Variants in MBD5 observed in about 807,000 individuals in gnomAD.
The protein encoded by MBD5 is methyl-CpG binding domain protein 5.
MBD5 carries 13 observed loss-of-function variants against 117.3 expected under a neutral mutation model. The observed-to-expected ratio is 0.11, with a 90% CI of 0.07 to 0.18. The LOEUF (loss-of-function observed/expected upper bound fraction) is 0.18, where lower values mean the gene tolerates loss of function less well. Ranked by LOEUF, MBD5 falls within the 10% of genes least tolerant of loss-of-function variation. MBD5 has a pLI of 1.00. For missense variants in MBD5, 1,879 were observed against 2,093.8 expected (o/e 0.90, Z 2.00); for synonymous variants, 727 against 766.4 (o/e 0.95, Z 0.85).
chr2:148,458,982 T>A, intron 5 of MBD5, 111 bp downstream of exon 5: 1 of 878,612 alleles, frequency 1.1e-6, no homozygotes, highest in Non-Finnish European at 1.9e-6. Context: ...AAAGTGACCT[T>A]TGTGCTAGAA....
chr2:148,376,387 C>T (rs1424282627), intron 4 of MBD5, among the ~76,000 whole-genome samples: 1 of 150,528 alleles, frequency 6.6e-6, no homozygotes, highest in Non-Finnish European at 1.5e-5. Context: ...CCTGCCTCAG[C>T]CTCCCGAGTA....
At chr2:148,196,577 A>G (rs1340574582) in intron 2 of MBD5, among the ~76,000 whole-genome samples, 5 of 152,180 alleles carry the variant, frequency 3.3e-5, no homozygotes, top group Non-Finnish European at 7.4e-5. Context: ...TATTTCTTCT[A>G]TGTAAAATTA....
intron 2 of MBD5, among the ~76,000 whole-genome samples, chr2:148,194,612 G>A (rs1388435638): frequency 5.4e-4 from 56 of 103,886 alleles, no homozygotes; most frequent in African/African-American, 1.7e-3. Context: ...GACTGTGGTG[G>A]GGTCGGGGGA....
At chr2:148,494,977 A>T (rs980891891) in intron 11 of MBD5, among the ~76,000 whole-genome samples, 5 of 152,142 alleles carry the variant, frequency 3.3e-5, no homozygotes, top group Non-Finnish European at 2.9e-5. Flanking sequence ...AAAAAAAATA[A>T]AATAAATAAA....
intron 4 of MBD5, among the ~76,000 whole-genome samples, chr2:148,395,788 G>GTCC (rs2105030753): frequency 6.6e-6 from 1 of 152,126 alleles, no homozygotes; most frequent in East Asian, 1.9e-4. Context: ...ATGTTAGTCA[G>GTCC]TCAGCTATAC....
At chr2:148,412,303 T>TGTGTGTGTGTGG (rs371452995) in intron 4 of MBD5, among the ~76,000 whole-genome samples, 2 of 138,232 alleles carry the variant, frequency 1.4e-5, no homozygotes, top group African/African-American at 5.4e-5. Flanking sequence ...TGTGTGTGTG[T>TGTGTGTGTGTGG]AGAGAGAGAG....
chr2:148,351,746 C>G (rs529869402), intron 4 of MBD5, among the ~76,000 whole-genome samples: 1 of 152,176 alleles, frequency 6.6e-6, no homozygotes, highest in South Asian at 2.1e-4. Context: ...CCCACACTTG[C>G]TGCCAATATG....
At chr2:148,444,090 A>G (rs187359028) in intron 4 of MBD5, among the ~76,000 whole-genome samples, 2 of 149,136 alleles carry the variant, frequency 1.3e-5, no homozygotes, top group African/African-American at 5.1e-5. Flanking sequence ...TTGTGTATAC[A>G]TAAAGTGTTC....
intron 4 of MBD5, among the ~76,000 whole-genome samples, chr2:148,435,815 G>A (rs944488320): frequency 1.3e-5 from 2 of 152,112 alleles, no homozygotes; most frequent in Admixed American, 6.6e-5. Context: ...AGTTTTCATA[G>A]ACAATATCCT....
intron 3 of MBD5, among the ~76,000 whole-genome samples, chr2:148,247,007 T>C (rs79594891): frequency 5.3e-5 from 8 of 152,284 alleles, no homozygotes; most frequent in South Asian, 2.1e-4. Flanking sequence ...ATTGATGTTA[T>C]ATAAATATTA....
chr2:148,406,028 T>TAAA (rs1705067372), intron 4 of MBD5, among the ~76,000 whole-genome samples: 2 of 151,930 alleles, frequency 1.3e-5, no homozygotes, highest in African/African-American at 2.4e-5. Flanking sequence ...AAATAAATAA[T>TAAA]TAATTAATTA....
At chr2:148,223,413 T>C (rs1699741298) in intron 2 of MBD5, among the ~76,000 whole-genome samples, 5 of 152,136 alleles carry the variant, frequency 3.3e-5, no homozygotes, top group Admixed American at 3.3e-4. Context: ...CCTGGGAGAC[T>C]TTATTACAGC....
At chr2:148,250,905 C>T (rs80356091) in intron 3 of MBD5, among the ~76,000 whole-genome samples, 19,286 of 152,238 alleles carry the variant, frequency 0.13, 1,480 homozygotes, top group Non-Finnish European at 0.18. Context: ...TTTGCCACTT[C>T]ATCACTTGCA....
At chr2:148,429,510 G>A (rs1354288235) in intron 4 of MBD5, among the ~76,000 whole-genome samples, 1 of 152,066 alleles carries the variant, frequency 6.6e-6, no homozygotes, top group Non-Finnish European at 1.5e-5. Flanking sequence ...ATACCTAAAG[G>A]ATTATAAATC....
intron 2 of MBD5, among the ~76,000 whole-genome samples, chr2:148,183,140 T>C (rs372438811): frequency 6.6e-6 from 1 of 152,276 alleles, no homozygotes; most frequent in East Asian, 1.9e-4. Context: ...TAAAGCATCA[T>C]GTTCAGGAAA....
At chr2:148,284,685 T>C (rs984869441) in intron 3 of MBD5, among the ~76,000 whole-genome samples, 3 of 152,192 alleles carry the variant, frequency 2.0e-5, no homozygotes, top group Non-Finnish European at 4.4e-5. Flanking sequence ...AACCAAAAAA[T>C]GGCTACAAAC....
intron 2 of MBD5, among the ~76,000 whole-genome samples, chr2:148,224,870 A>ATTTT (rs1699782284): frequency 6.6e-6 from 1 of 152,074 alleles, no homozygotes; most frequent in African/African-American, 2.4e-5. Context: ...GTCTGATAAA[A>ATTTT]GTATGGCCAC....
At chr2:148,081,797 T>C (rs953790058) in intron 1 of MBD5, among the ~76,000 whole-genome samples, 1 of 152,196 alleles carries the variant, frequency 6.6e-6, no homozygotes, top group Non-Finnish European at 1.5e-5. Flanking sequence ...CCCATTCTTA[T>C]TCTACATAGT....
intron 4 of MBD5, among the ~76,000 whole-genome samples, chr2:148,356,437 C>T (rs2105271891): frequency 6.6e-6 from 1 of 152,198 alleles, no homozygotes; most frequent in African/African-American, 2.4e-5. Context: ...CACTCTCCCC[C>T]ACTGGACTGT....
Sources: gnomAD v4.1 joint callset for allele counts (sites outside exome capture counted in the v4.1 genomes callset) on GRCh38, gnomAD v4.1.1 for gene constraint, MANE v1.5 for transcripts, NCBI Gene and HGNC (gene_info 2026-07-23, HGNC 2026-07-21) for gene names.